Variants in PPT1 observed in about 807,000 individuals in gnomAD.
PPT1 encodes ceroid-palmitoyl-palmitoyl-protein thioesterase 1.
PPT1 carries 24 observed loss-of-function variants against 44.0 expected under a neutral mutation model. That is an observed-to-expected ratio of 0.54 (90% confidence interval 0.39 to 0.77). The LOEUF (loss-of-function observed/expected upper bound fraction) is 0.77, where lower values mean the gene tolerates loss of function less well. Among genes scored for constraint, PPT1 ranks in the 30% least tolerant of loss-of-function variants. PPT1 has a pLI of 0.00. For missense variants in PPT1, 341 were observed against 378.8 expected, an observed-to-expected ratio of 0.90 and a Z score of 0.83; for synonymous variants, 148 against 140.2, an observed-to-expected ratio of 1.06 and a Z score of -0.39.
At chr1:40,076,251 G>A (rs574325070) in intron 8 of PPT1, among the ~76,000 whole-genome samples, 8 of 152,156 alleles carry the variant, frequency 5.3e-5, no homozygotes, top group Non-Finnish European at 8.8e-5. Context: ...GATCACCTGA[G>A]GTCAGGAGTT....
chr1:40,074,641 G>A (rs577742442), intron 8 of PPT1, among the ~76,000 whole-genome samples: 1 of 152,044 alleles, frequency 6.6e-6, no homozygotes, highest in African/African-American at 2.4e-5. Flanking sequence ...GTAATTTCTT[G>A]TATTTTTAGT....
chr1:40,084,224 G>A (rs542725018), intron 5 of PPT1, among the ~76,000 whole-genome samples: 1 of 152,282 alleles, frequency 6.6e-6, no homozygotes, highest in South Asian at 2.1e-4. Context: ...AATTAGAAGT[G>A]GAACCTGACG....
chr1:40,075,878 T>C (rs936006567), intron 8 of PPT1, among the ~76,000 whole-genome samples: 3 of 140,872 alleles, frequency 2.1e-5, no homozygotes, highest in African/African-American at 8.2e-5. Flanking sequence ...GGATAATCGC[T>C]TGAACCCAGG....
chr1:40,090,314 C>T (rs1649489462), intron 4 of PPT1, among the ~76,000 whole-genome samples: 1 of 152,038 alleles, frequency 6.6e-6, no homozygotes, highest in Non-Finnish European at 1.5e-5. Context: ...ACCATGTGCC[C>T]AGCTATCCTC....
At chr1:40,082,326 T>G (rs1648989677) in intron 5 of PPT1, 1 of 151,980 alleles carries the variant, frequency 6.6e-6, no homozygotes, top group African/African-American at 2.4e-5. Context: ...GAGACTGAAG[T>G]TAAAGGAAGC....
chr1:40,090,341 T>C (rs1303674112), intron 4 of PPT1, among the ~76,000 whole-genome samples: 2 of 152,124 alleles, frequency 1.3e-5, no homozygotes, highest in Non-Finnish European at 2.9e-5. Context: ...ATCGTGTATA[T>C]ATATATATGT....
chr1:40,073,984 G>T lies in PPT1; in HGVS notation c.*77C>A. ...CAAGCTGGATCTGAGCTCAGGCTTG[G>T]GCATGAAGGAAACTGTCTCCCATGT... On this transcript the variant is annotated 3_prime_UTR_variant, in exon 9 of 9. Transcript: ENST00000642050. 6.3e-7 allele frequency: 1 copy of T among 1,582,280 alleles called. No individual in the cohort carries two copies.
At chr1:40,080,073 C>T (rs1366975790) in intron 6 of PPT1, among the ~76,000 whole-genome samples, 1 of 152,122 alleles carries the variant, frequency 6.6e-6, no homozygotes, top group African/African-American at 2.4e-5. Context: ...AAAAATCCAC[C>T]CCCAGACTGA....
chr1:40,093,883 C>CAAAAAA lies in PPT1; in HGVS notation c.125-1382_125-1377dup, dbSNP rs11345893. On this transcript the variant is annotated intron_variant, in intron 1 of 8. Coordinates refer to ENST00000642050, the MANE Select transcript of PPT1 (RefSeq NM_000310.4). ...TGGGCAACAGAACAAGGCTCCATCT[C>CAAAAAA]AAAAAAAAAAAAAAAAAAAAATCCA... 3.4e-4 allele frequency: 154 copies of CAAAAAA among 449,896 alleles called. 1 individual carries two copies. In the African/African-American group the frequency reaches 4.2e-3, roughly 12 times the overall value. 27.9% of individuals were successfully genotyped at this position (449,896 alleles called of 1,614,324 possible). A position where few individuals can be genotyped will look rare whatever the true frequency, so the allele number is the denominator to read the frequency against.
intron 7 of PPT1, among the ~76,000 whole-genome samples, chr1:40,078,105 T>C (rs1348676725): frequency 6.6e-6 from 1 of 152,232 alleles, no homozygotes; most frequent in African/African-American, 2.4e-5. Context: ...TTTATGGACC[T>C]CAGGTGAAGA....
chr1:40,079,701 T>A (rs149001355), intron 6 of PPT1, among the ~76,000 whole-genome samples: 8 of 152,248 alleles, frequency 5.3e-5, no homozygotes, highest in African/African-American at 1.9e-4. Context: ...CGGCCTTCTA[T>A]AGGCTTTTCT....
intron 8 of PPT1, among the ~76,000 whole-genome samples, chr1:40,074,755 C>T (rs1395519374): frequency 6.6e-6 from 1 of 152,004 alleles, no homozygotes; most frequent in Non-Finnish European, 1.5e-5. Flanking sequence ...AGGCGTGAGC[C>T]ACCACACCCG....
intron 5 of PPT1, among the ~76,000 whole-genome samples, chr1:40,088,622 T>G (rs1285175660): frequency 1.3e-5 from 2 of 152,198 alleles, no homozygotes; most frequent in East Asian, 3.9e-4. Context: ...TTGTTCAGAC[T>G]GGTTGTGAAC....
At chr1:40,093,205 T>C (rs1237854578) in intron 1 of PPT1, among the ~76,000 whole-genome samples, 1 of 152,192 alleles carries the variant, frequency 6.6e-6, no homozygotes, top group Non-Finnish European at 1.5e-5. Flanking sequence ...AGGAACAAAG[T>C]GCTGACACAT....
rs1385465550 is a variant in PPT1 at position 40,093,740 on chromosome 1, C to A, written c.125-1233G>T. Among the ~76,000 whole-genome samples, 12 of 133,280 alleles carry A rather than the reference C, an allele frequency of 9.0e-5. No homozygotes were observed. In the Admixed American group the frequency reaches 9.7e-4, roughly 11 times the overall value. 87.4% of individuals were successfully genotyped at this position (133,280 alleles called of 152,430 possible). On this transcript the variant is annotated intron_variant, in intron 1 of 8. Transcript: ENST00000642050. ...TCTCTACTAAATATACAAAAATTAG[C>A]CGGGTGTGGTGGCACATGTCTGTAG...
rs1291510931 is a variant in PPT1, at chr1:40,097,204, A to T, written c.35T>A (p.Val12Glu). 1 of 1,613,924 alleles carries T rather than the reference A, an allele frequency of 6.2e-7. No homozygotes were observed. Among genetic ancestry groups the T allele is most frequent in the Non-Finnish European group, 8.5e-7 (1 of 1,179,962 alleles). ...ASPGCLWLLA[V>E]ALLPWTCASR... ...AGCGCAGGTCCATGGCAGGAGAGCC[A>T]CAGCCAAGAGCCACAGGCAGCCGGG... is the stretch of plus-strand genomic sequence containing the variant. Residue 12 changes from valine to glutamate, a missense_variant, in exon 1 of 9, where the codon GTG (valine) becomes GAG (glutamate). Coordinates refer to ENST00000642050, the MANE Select transcript of PPT1 (RefSeq NM_000310.4).
chr1:40,076,042 T>C (rs542725127), intron 8 of PPT1, among the ~76,000 whole-genome samples: 1 of 150,300 alleles, frequency 6.7e-6, no homozygotes, highest in South Asian at 2.1e-4. Flanking sequence ...TTACTGCAAC[T>C]TCTGCTTAAG....
At chr1:40,088,831 A>G (rs1186160269) in intron 5 of PPT1, among the ~76,000 whole-genome samples, 1 of 152,198 alleles carries the variant, frequency 6.6e-6, no homozygotes, top group Non-Finnish European at 1.5e-5. Flanking sequence ...GTACTTTCTA[A>G]AGGCTTTCTG....
chr1:40,089,213 G>A (rs1649420115), intron 5 of PPT1, among the ~76,000 whole-genome samples, 197 bp downstream of exon 5: 1 of 145,144 alleles, frequency 6.9e-6, no homozygotes, highest in African/African-American at 2.5e-5. Context: ...TTGAACCTGG[G>A]AGGCAGAGGT....
Sources: gnomAD v4.1 joint callset for allele counts (sites outside exome capture counted in the v4.1 genomes callset) on GRCh38, gnomAD v4.1.1 for gene constraint, MANE v1.5 for transcripts, NCBI Gene and HGNC (gene_info 2026-07-23, HGNC 2026-07-21) for gene names.